Variants in ZDHHC13 observed in about 807,000 individuals in gnomAD.
The protein encoded by ZDHHC13 is palmitoyltransferase ZDHHC13.
A neutral mutation model predicts 86.0 loss-of-function variants in ZDHHC13; 85 were observed. The ratio of observed to expected loss-of-function variants is 0.99; its 90% CI spans 0.83 to 1.18. ZDHHC13 has a LOEUF of 1.18. Among genes scored for constraint, ZDHHC13 ranks in the 50% most tolerant of loss-of-function variants. The pLI is 0.00. For synonymous variants in ZDHHC13, 263 were observed against 246.4 expected (o/e 1.07, Z -0.63); for missense variants, 711 against 730.2 (o/e 0.97, Z 0.30).
chr11:19,132,135 TTTTGA>T (rs1798370756), intron 1 of ZDHHC13, among the ~76,000 whole-genome samples: 1 of 152,162 alleles, frequency 6.6e-6, no homozygotes. Context: ...GTTTAGTGAG[TTTTGA>T]TTTGATAGTG....
chr11:19,155,977 A>T, intron 9 of ZDHHC13, 48 bp downstream of exon 9: 1 of 1,544,618 alleles, frequency 6.5e-7, no homozygotes, highest in Non-Finnish European at 8.7e-7. Context: ...TTCTGATTTT[A>T]TTTCTTATTT....
intron 1 of ZDHHC13, among the ~76,000 whole-genome samples, chr11:19,127,718 A>C (rs544182526): frequency 6.6e-6 from 1 of 152,228 alleles, no homozygotes; most frequent in African/African-American, 2.4e-5. Flanking sequence ...GCTTTTCCCC[A>C]TTGCTTGTTT....
intron 1 of ZDHHC13, among the ~76,000 whole-genome samples, chr11:19,138,081 T>C (rs201761442): frequency 4.0e-5 from 6 of 150,966 alleles, no homozygotes; most frequent in Non-Finnish European, 5.9e-5. Context: ...CTGAAGGAAA[T>C]AGAGACACAA....
chr11:19,146,318 G>A lies in ZDHHC13; in HGVS notation c.296+15G>A, dbSNP rs200879520. On this transcript the variant is annotated intron_variant, in intron 3 of 16. Transcript: ENST00000446113. ...GATCTTGTAAAGTAAGATGGGATAT[G>A]TGTGTTAATTGTGTATTTATAATTT... is the stretch of plus-strand genomic sequence containing the variant. The A allele has an allele frequency of 1.1e-3, 1,691 of 1,606,544 alleles. 10 individuals carry two copies. The highest frequency in any genetic ancestry group is 0.01 in the Middle Eastern group (61 of 6,000).
In ZDHHC13 at chr11:19,174,256, G is replaced by A. The variant is rs531292150; in HGVS notation, c.1730+1436G>A. On this transcript the variant is annotated intron_variant, in intron 16 of 16. Coordinates refer to ENST00000446113, the MANE Select transcript of ZDHHC13 (RefSeq NM_019028.3). ...TCATGCTCCGCAGAACGGCATGCAAGTTAAAGCTTACTAATTGTTTATTTC... is the reference window on the plus strand; with the variant it reads ...TCATGCTCCGCAGAACGGCATGCAAATTAAAGCTTACTAATTGTTTATTTC... 4.6e-5 allele frequency among the ~76,000 whole-genome samples: 7 copies of A among 152,348 alleles called. No homozygotes were observed. In the East Asian group the frequency reaches 1.3e-3, roughly 29 times the overall value.
At position 19,165,125 on chromosome 11, in the gene ZDHHC13, T is replaced by G. The variant is rs927646452; in HGVS notation, c.1370T>G (p.Leu457Arg). Residue 457 changes from leucine to arginine, a missense_variant, in exon 13 of 17, where the codon CTG (leucine) becomes CGG (arginine). Transcript: ENST00000446113. ...GTGGCTCGATATGATCAACACTGCC[T>G]GTGGACTGGACGGTGCATAGGTGAG... ...CCVARYDQHC[L>R]WTGRCIGFGN... is the part of the protein sequence containing the mutation. 1.9e-6 allele frequency: 3 copies of G among 1,612,632 alleles called. No individual in the cohort carries two copies. The highest frequency in any genetic ancestry group is 2.5e-6 in the Non-Finnish European group (3 of 1,179,322).
At chr11:19,173,324 G>T (rs1850275169) in intron 16 of ZDHHC13, among the ~76,000 whole-genome samples, 1 of 152,142 alleles carries the variant, frequency 6.6e-6, no homozygotes, top group South Asian at 2.1e-4. Context: ...TGTTCCCCCT[G>T]GAGCATTTGG....
Position 19,146,312 on chromosome 11 carries a change from G to A in ZDHHC13, c.296+9G>A, listed in dbSNP as rs1428250951. The A allele has an allele frequency of 1.2e-6, 2 of 1,602,054 alleles. No homozygotes were observed. The highest frequency in any genetic ancestry group is 1.7e-6 in the Non-Finnish European group (2 of 1,176,566). ...AGACTGGATCTTGTAAAGTAAGATG[G>A]GATATGTGTGTTAATTGTGTATTTA... On this transcript the variant is annotated intron_variant, in intron 3 of 16. Transcript: ENST00000446113.
At position 19,152,189 on chromosome 11, in the gene ZDHHC13, A is replaced by G; in HGVS notation, c.616A>G (p.Asn206Asp). 1 of 1,613,234 alleles carries G rather than the reference A, an allele frequency of 6.2e-7. No homozygotes were observed. The highest frequency in any genetic ancestry group is 8.5e-7 in the Non-Finnish European group (1 of 1,179,420). Reference sequence around the variant, plus strand: ...ACCAACTGGATTTCTTTTAAAGTTTAATCCTTCTCTCAATGTGGTTGATAA... The same window carrying G: ...ACCAACTGGATTTCTTTTAAAGTTTGATCCTTCTCTCAATGTGGTTGATAA... ...PEPTGFLLKF[N>D]PSLNVVDKIH... The change falls in exon 7 of 17, where the codon AAT becomes GAT. Residue 206 changes from asparagine to aspartate, a missense_variant. Physicochemically the swap from Asn to Asp is conservative, Grantham distance 23. Transcript: ENST00000446113.
At chr11:19,166,569 G>T (rs1325580833) in intron 14 of ZDHHC13, 184 bp downstream of exon 14, 3 of 480,062 alleles carry the variant, frequency 6.2e-6, no homozygotes, top group Non-Finnish European at 1.1e-5. Flanking sequence ...GATGAGGTTA[G>T]TTCTCAGTAC....
In ZDHHC13 at chr11:19,152,571, C is replaced by G. The variant is rs763487817; in HGVS notation, c.760C>G (p.Leu254Val). Residue 254 changes from leucine to valine, a missense_variant, in exon 8 of 17, where the codon CTT becomes GTT. Leu to Val is a conservative substitution (Grantham distance 32). Coordinates refer to ENST00000446113, the MANE Select transcript of ZDHHC13 (RefSeq NM_019028.3). ...DIQNVKGETP[L>V]DMALQNKNQL... ...ACTCTTTTTTAAGGGAGAAACACCT[C>G]TTGATATGGCTCTACAAAACAAAAA... The G allele has an allele frequency of 6.2e-7, 1 of 1,610,992 alleles. No homozygotes were observed. Among genetic ancestry groups the G allele is most frequent in the Non-Finnish European group, 8.5e-7 (1 of 1,178,582 alleles).
intron 9 of ZDHHC13, among the ~76,000 whole-genome samples, chr11:19,156,224 CATA>C (rs1357892487): frequency 6.6e-6 from 1 of 152,100 alleles, no homozygotes; most frequent in East Asian, 1.9e-4. Flanking sequence ...GTAATCATTT[CATA>C]ATTATTCAAG....
chr11:19,156,023 A>G, intron 9 of ZDHHC13, 94 bp downstream of exon 9: 1 of 1,407,128 alleles, frequency 7.1e-7, no homozygotes, highest in Non-Finnish European at 9.4e-7. Context: ...GATTTTTATC[A>G]TGCTGTAAAT....
chr11:19,172,618 A>G lies in ZDHHC13; in HGVS notation c.1633-105A>G, dbSNP rs116831429. 2.1e-3 allele frequency: 1,679 copies of G among 809,148 alleles called. 20 individuals carry two copies. In the African/African-American group the frequency reaches 0.026, roughly 12 times the overall value. The allele number at this position is 809,148 out of a possible 1,614,324, so 50.1% of individuals were successfully genotyped here. A position where few individuals can be genotyped will look rare whatever the true frequency, so the allele number is the denominator to read the frequency against. ...GTCCCTTTTCAAGGAGATACTAAGG[A>G]GAACACACAAATTGAGATAATTGCA... is the stretch of plus-strand genomic sequence containing the variant. On this transcript the variant is annotated intron_variant, in intron 15 of 16. Coordinates refer to ENST00000446113, the MANE Select transcript of ZDHHC13 (RefSeq NM_019028.3).
At chr11:19,138,957 A>G (rs1220087189) in intron 1 of ZDHHC13, among the ~76,000 whole-genome samples, 2 of 151,892 alleles carry the variant, frequency 1.3e-5, no homozygotes, top group Non-Finnish European at 2.9e-5. Flanking sequence ...AGCCAATATC[A>G]TACTGAATGG....
At chr11:19,165,935 A>G (rs2133468143) in intron 13 of ZDHHC13, among the ~76,000 whole-genome samples, 1 of 152,340 alleles carries the variant, frequency 6.6e-6, no homozygotes, top group Middle Eastern at 3.4e-3. Flanking sequence ...CACTTTTACA[A>G]ACATGTTGCA....
intron 10 of ZDHHC13, among the ~76,000 whole-genome samples, chr11:19,161,775 A>G (rs866767848): frequency 1.3e-5 from 2 of 152,298 alleles, no homozygotes; most frequent in East Asian, 3.9e-4. Flanking sequence ...CAGTTATACA[A>G]GTGCATGTTA....
intron 15 of ZDHHC13, among the ~76,000 whole-genome samples, chr11:19,171,072 C>G (rs75747398): frequency 6.6e-6 from 1 of 152,164 alleles, no homozygotes; most frequent in Non-Finnish European, 1.5e-5. Flanking sequence ...CTGTTTGTTA[C>G]CCTTATTACT....
chr11:19,148,257 C>T (rs1005595923), intron 4 of ZDHHC13, among the ~76,000 whole-genome samples: 2 of 151,656 alleles, frequency 1.3e-5, no homozygotes, highest in African/African-American at 2.4e-5. Flanking sequence ...ACTCCACTCT[C>T]GGTGGTTGGT....
Sources: allele counts gnomAD v4.1 joint callset (sites outside exome capture counted in the v4.1 genomes callset), GRCh38; gene constraint gnomAD v4.1.1; transcripts MANE v1.5; gene names NCBI Gene and HGNC (gene_info 2026-07-23, HGNC 2026-07-21).